Variants in ZNF599 observed in about 807,000 individuals in gnomAD.
ZNF599 encodes zinc finger protein 599.
Under a neutral mutation model 11.7 loss-of-function variants are expected in ZNF599, and 10 were observed. That is an observed-to-expected ratio of 0.86 (90% CI 0.53 to 1.45). The LOEUF is 1.45. Ranked by LOEUF, ZNF599 falls within the 40% of genes most tolerant of loss-of-function variation. The pLI is 0.00. For missense variants in ZNF599, 688 were observed against 713.6 expected (o/e 0.96, Z 0.41); for synonymous variants, 232 against 253.2 (o/e 0.92, Z 0.79).
At chr19:34,790,263 C>A in the ZNF599 span, among the ~76,000 whole-genome samples, 1 of 152,154 alleles carries the variant, frequency 6.6e-6, no homozygotes, top group African/African-American at 2.4e-5. Context: ...CCTCCAGTGT[C>A]CTATGATGTA....
At chr19:34,769,265 T>C (rs1039709793) in intron 2 of ZNF599, among the ~76,000 whole-genome samples, 164 bp downstream of exon 2, 1 of 152,156 alleles carries the variant, frequency 6.6e-6, no homozygotes, top group Non-Finnish European at 1.5e-5. Context: ...CAATCTTTGA[T>C]TGAGACACAG....
At chr19:34,799,850 G>A in the ZNF599 span, among the ~76,000 whole-genome samples, 2 of 152,206 alleles carry the variant, frequency 1.3e-5, no homozygotes, top group Admixed American at 1.3e-4. Flanking sequence ...TACTGAACTG[G>A]GGGAGACACA....
At chr19:34,780,556 G>C in the ZNF599 span, among the ~76,000 whole-genome samples, 4 of 147,104 alleles carry the variant, frequency 2.7e-5, no homozygotes, top group Non-Finnish European at 4.5e-5. Flanking sequence ...AGGAAGGAGA[G>C]AGACAAAGAG....
chr19:34,804,598 C>G, the ZNF599 span, among the ~76,000 whole-genome samples: 1 of 152,244 alleles, frequency 6.6e-6, no homozygotes, highest in Non-Finnish European at 1.5e-5. Context: ...CCCTAGAGTT[C>G]CAGACCTTTG....
In ZNF599 at chr19:34,759,719, T is replaced by G; in HGVS notation, c.1082A>C (p.His361Pro). The change falls in exon 4 of 4, where the codon CAC (histidine) becomes CCC (proline). Residue 361 changes from histidine to proline, a missense_variant. His to Pro is a moderately conservative substitution (Grantham distance 77, BLOSUM62 -2). Coordinates refer to ENST00000329285, the MANE Select transcript of ZNF599 (RefSeq NM_001007248.3). ...ACATAAAAATGGTTTTTCTCCTGTG[T>G]GGGTCACATTGTGCTGGATAAATGT... is the stretch of plus-strand genomic sequence containing the variant. ...RSTFIQHNVT[H>P]TGEKPFLCKE... 2 of 1,614,196 alleles carry G rather than the reference T, an allele frequency of 1.2e-6. No homozygotes were observed. The highest frequency in any genetic ancestry group is 8.5e-7 in the Non-Finnish European group (1 of 1,180,030).
the ZNF599 span, among the ~76,000 whole-genome samples, chr19:34,785,505 C>A: frequency 6.6e-6 from 1 of 152,216 alleles, no homozygotes; most frequent in Non-Finnish European, 1.5e-5. Flanking sequence ...CATTCCAGGG[C>A]TGCCTTCTGC....
At chr19:34,787,606 G>C in the ZNF599 span, among the ~76,000 whole-genome samples, 2 of 152,204 alleles carry the variant, frequency 1.3e-5, no homozygotes, top group African/African-American at 4.8e-5. Context: ...TGTGATGGCA[G>C]ATGACAAGTC....
At chr19:34,768,137 G>A (rs1035716584) in intron 2 of ZNF599, among the ~76,000 whole-genome samples, 6 of 152,126 alleles carry the variant, frequency 3.9e-5, no homozygotes, top group Non-Finnish European at 5.9e-5. Context: ...GTTCACCATA[G>A]GATTACGCAC....
chr19:34,804,975 T>C, the ZNF599 span, among the ~76,000 whole-genome samples: 1 of 152,166 alleles, frequency 6.6e-6, no homozygotes, highest in Non-Finnish European at 1.5e-5. Context: ...ATAAACACTA[T>C]CCTATAAAAT....
upstream of ZNF599, among the ~76,000 whole-genome samples, chr19:34,776,508 G>A (rs1038958679): frequency 3.3e-5 from 5 of 152,164 alleles, no homozygotes; most frequent in Non-Finnish European, 7.3e-5. Flanking sequence ...AAAATGTTCT[G>A]GAGTTTTATA....
At chr19:34,800,586 G>GTTTTTTTTTTTTTTTTT in the ZNF599 span, among the ~76,000 whole-genome samples, 3 of 112,978 alleles carry the variant, frequency 2.7e-5, no homozygotes, top group Admixed American at 1.1e-4. Context: ...CATTTCCTTT[G>GTTTTTTTTTTTTTTTTT]TTTTTTTTTT....
At chr19:34,799,625 T>A in the ZNF599 span, among the ~76,000 whole-genome samples, 19 of 152,366 alleles carry the variant, frequency 1.2e-4, no homozygotes, top group African/African-American at 4.1e-4. Flanking sequence ...AAGGACCTAA[T>A]TAATGTTAAA....
At chr19:34,790,434 T>TA in the ZNF599 span, among the ~76,000 whole-genome samples, 1 of 152,018 alleles carries the variant, frequency 6.6e-6, no homozygotes, top group Admixed American at 6.6e-5. Context: ...TAATCAGCCT[T>TA]AAAAAAGGGG....
chr19:34,771,523 C>T (rs115935243), intron 1 of ZNF599, among the ~76,000 whole-genome samples: 1,979 of 152,270 alleles, frequency 0.013, 30 homozygotes, highest in African/African-American at 0.046. Context: ...CCTGTCGCAC[C>T]CTAGGAGAGC....
At chr19:34,791,999 G>C in the ZNF599 span, 141,606 of 152,302 alleles carry the variant, frequency 0.93, 66,165 homozygotes, top group Middle Eastern at 0.99. Context: ...AAGACAAGAG[G>C]AGGAGCCCAG....
In ZNF599 at chr19:34,758,765, C is replaced by G; in HGVS notation, c.*269G>C. 2 of 328,988 alleles carry G rather than the reference C, an allele frequency of 6.1e-6. No homozygotes were observed. The highest frequency in any genetic ancestry group is 4.9e-5 in the East Asian group (1 of 20,608). The allele number at this position is 328,988 out of a possible 1,614,324, so 20.4% of individuals were successfully genotyped here. On this transcript the variant is annotated 3_prime_UTR_variant, in exon 4 of 4. Transcript: ENST00000329285. ...TTTTACCTAAATGCATGTTAACCAC[C>G]AGGTCTCTCCCCTCGATTATTCTCA... is the stretch of plus-strand genomic sequence containing the variant.
At chr19:34,783,201 C>G in the ZNF599 span, among the ~76,000 whole-genome samples, 1 of 152,204 alleles carries the variant, frequency 6.6e-6, no homozygotes, top group Non-Finnish European at 1.5e-5. Context: ...ATTTTCTTAA[C>G]TTACAGTTCC....
the ZNF599 span, chr19:34,779,409 T>C: frequency 6.7e-6 from 3 of 450,812 alleles, no homozygotes; most frequent in Non-Finnish European, 1.3e-5. Context: ...CCCTGACCTT[T>C]TTCCATAGTC....
chr19:34,777,501 TA>T (rs1356560070), upstream of ZNF599, among the ~76,000 whole-genome samples: 92 of 111,064 alleles, frequency 8.3e-4, no homozygotes, highest in African/African-American at 3.0e-3. Context: ...TGATATATAT[TA>T]ATATATTATA....
Sources: gnomAD v4.1 joint callset for allele counts (sites outside exome capture counted in the v4.1 genomes callset) on GRCh38, gnomAD v4.1.1 for gene constraint, MANE v1.5 for transcripts, NCBI Gene and HGNC (gene_info 2026-07-23, HGNC 2026-07-21) for gene names.